Variants in PRRC2C observed in about 807,000 individuals in gnomAD.
The protein encoded by PRRC2C is proline rich coiled-coil 2C, also known as protein PRRC2C.
In PRRC2C, 72 loss-of-function variants were observed where a neutral mutation model predicts 317.2. The observed-to-expected ratio is 0.23, with a 90% CI of 0.19 to 0.28. The LOEUF is 0.28. Ranked by LOEUF, PRRC2C falls within the 10% of genes least tolerant of loss-of-function variation. PRRC2C has a pLI of 1.00. For missense variants in PRRC2C, 3,074 were observed against 3,459.7 expected, an observed-to-expected ratio of 0.89 and a Z score of 2.80; for synonymous variants, 1,296 against 1,205.9, an observed-to-expected ratio of 1.07 and a Z score of -1.55.
intron 19 of PRRC2C, among the ~76,000 whole-genome samples, chr1:171,559,564 T>G (rs1459670967): frequency 1.5e-5 from 2 of 132,292 alleles, no homozygotes; most frequent in Non-Finnish European, 3.1e-5. Flanking sequence ...TCTTGTCACC[T>G]AGGCTGGAGT....
chr1:171,583,376 G>C (rs369665251), intron 28 of PRRC2C, among the ~76,000 whole-genome samples: 1 of 152,160 alleles, frequency 6.6e-6, no homozygotes, highest in East Asian at 1.9e-4. Context: ...ATTAGGCTAG[G>C]CTACGCAGGG....
At chr1:171,552,637 A>G (rs893455936) in intron 18 of PRRC2C, among the ~76,000 whole-genome samples, 5 of 152,172 alleles carry the variant, frequency 3.3e-5, no homozygotes, top group Admixed American at 6.6e-5. Flanking sequence ...GACAAGTTCC[A>G]TTGATACCTA....
intron 1 of PRRC2C, among the ~76,000 whole-genome samples, chr1:171,487,629 G>A (rs1666367498): frequency 6.6e-6 from 1 of 151,990 alleles, no homozygotes; most frequent in Non-Finnish European, 1.5e-5. Context: ...TATATTATTG[G>A]TAGAATATTC....
At chr1:171,510,006 C>A (rs1176223449) in intron 1 of PRRC2C, 1 of 151,836 alleles carries the variant, frequency 6.6e-6, no homozygotes, top group African/African-American at 2.4e-5. Context: ...TGCCTGCCAC[C>A]ATGCCTGGCT....
intron 22 of PRRC2C, among the ~76,000 whole-genome samples, chr1:171,568,037 A>G (rs1220055583): frequency 6.6e-6 from 1 of 152,126 alleles, no homozygotes; most frequent in African/African-American, 2.4e-5. Flanking sequence ...AAATACAAAA[A>G]TTAATGTCAT....
At chr1:171,495,186 A>T (rs771982567) in intron 1 of PRRC2C, among the ~76,000 whole-genome samples, 1 of 152,228 alleles carries the variant, frequency 6.6e-6, no homozygotes, top group Non-Finnish European at 1.5e-5. Flanking sequence ...TCTGTGCATT[A>T]GATTTCTATT....
At chr1:171,567,810 T>C (rs1385727404) in intron 22 of PRRC2C, among the ~76,000 whole-genome samples, 2 of 152,340 alleles carry the variant, frequency 1.3e-5, no homozygotes, top group African/African-American at 4.8e-5. Flanking sequence ...TGTTAGTTGA[T>C]TGAGTGAGTT....
chr1:171,536,817 G>A (rs920510665), intron 14 of PRRC2C, among the ~76,000 whole-genome samples: 1 of 152,142 alleles, frequency 6.6e-6, no homozygotes, highest in African/African-American at 2.4e-5. Context: ...ATTTATACTG[G>A]TATTTGGAAA....
In PRRC2C at chr1:171,500,387, C is replaced by A. The variant is rs902454926; in HGVS notation, c.-57-11645C>A. On this transcript the variant is annotated intron_variant, in intron 1 of 34. Transcript: ENST00000647382. ...TAGACTTTTTTCTTCCAGATTTTCT[C>A]TTCTTTTTAATTGTAATTTTTTTCA... Among the ~76,000 whole-genome samples the A allele has an allele frequency of 2.0e-5, 3 of 152,240 alleles. No homozygotes were observed. In the South Asian group the frequency reaches 6.2e-4, roughly 32 times the overall value.
intron 5 of PRRC2C, among the ~76,000 whole-genome samples, chr1:171,517,219 A>G (rs1672548129): frequency 6.6e-6 from 1 of 152,232 alleles, no homozygotes; most frequent in African/African-American, 2.4e-5. Context: ...ACCCTTCCAG[A>G]TTGTAGAAGT....
rs938229816 is a variant in PRRC2C at position 171,526,805 on chromosome 1, C to CT, written c.1201-965dup. On this transcript the variant is annotated intron_variant, in intron 10 of 34. Transcript: ENST00000647382. ...AAAATCATTACATTCAGAAATATAT[C>CT]TTTTTTTTTTTTTTTTTTTTTGAGA... 6.8e-3 allele frequency among the ~76,000 whole-genome samples: 615 copies of CT among 90,184 alleles called. 45 individuals are homozygous for CT. The highest frequency in any genetic ancestry group is 0.023 in the Middle Eastern group (2 of 86). The allele number at this position is 90,184 out of a possible 152,430, so 59.2% of individuals were successfully genotyped here.
intron 1 of PRRC2C, among the ~76,000 whole-genome samples, chr1:171,507,076 G>C (rs563229328): frequency 6.6e-6 from 1 of 151,940 alleles, no homozygotes; most frequent in Non-Finnish European, 1.5e-5. Flanking sequence ...GAAACTGTTT[G>C]ATCTTTTCAA....
intron 1 of PRRC2C, among the ~76,000 whole-genome samples, chr1:171,493,266 G>A (rs917161289): frequency 2.0e-5 from 3 of 152,178 alleles, no homozygotes; most frequent in Non-Finnish European, 2.9e-5. Context: ...AATTCATAAT[G>A]CTAGATGAGC....
intron 1 of PRRC2C, among the ~76,000 whole-genome samples, chr1:171,500,688 T>C (rs1668940272): frequency 6.6e-6 from 1 of 152,244 alleles, no homozygotes; most frequent in African/African-American, 2.4e-5. Context: ...AGTGTCATTC[T>C]TTGATTTTAA....
intron 18 of PRRC2C, among the ~76,000 whole-genome samples, chr1:171,553,320 A>T (rs235478): frequency 0.81 from 122,869 of 152,036 alleles, 49,769 homozygotes; most frequent in Middle Eastern, 0.9. Flanking sequence ...CCCTTTATCA[A>T]TTTTTATTGC....
chr1:171,576,038 A>C (rs1214768277), intron 25 of PRRC2C, among the ~76,000 whole-genome samples: 3 of 152,062 alleles, frequency 2.0e-5, no homozygotes, highest in Non-Finnish European at 4.4e-5. Context: ...ATATTAACAC[A>C]AACTCCCGAG....
chr1:171,526,583 CCG>C (rs1353129018), intron 10 of PRRC2C, among the ~76,000 whole-genome samples: 1 of 151,988 alleles, frequency 6.6e-6, no homozygotes, highest in African/African-American at 2.4e-5. Context: ...AATGACCCAC[CCG>C]CCTCAGCCTC....
chr1:171,518,755 G>A (rs1428705176), intron 6 of PRRC2C, among the ~76,000 whole-genome samples: 1 of 140,482 alleles, frequency 7.1e-6, no homozygotes, highest in Non-Finnish European at 1.5e-5. Context: ...TGCCCACCTT[G>A]GCCCCTCAGA....
At chr1:171,574,809 G>A in intron 24 of PRRC2C, 118 bp from the exon 25 acceptor site, 1 of 898,714 alleles carries the variant, frequency 1.1e-6, no homozygotes, top group Non-Finnish European at 1.7e-6. Flanking sequence ...AAATATCTTT[G>A]TGTGTGTGTG....
Sources: gnomAD v4.1 joint callset for allele counts (sites outside exome capture counted in the v4.1 genomes callset) on GRCh38, gnomAD v4.1.1 for gene constraint, MANE v1.5 for transcripts, NCBI Gene and HGNC (gene_info 2026-07-23, HGNC 2026-07-21) for gene names.